Variants in NLN observed in about 807,000 individuals in gnomAD.
The protein encoded by NLN is neurolysin, mitochondrial.
Under a neutral mutation model 79.9 loss-of-function variants are expected in NLN, and 64 were observed. That is an observed-to-expected ratio of 0.80 (90% CI 0.65 to 0.99). The LOEUF (loss-of-function observed/expected upper bound fraction) is 0.99, where lower values mean the gene tolerates loss of function less well. NLN is among the 50% of genes least tolerant of loss of function. The pLI is 0.00. For synonymous variants in NLN, 267 were observed against 296.6 expected (o/e 0.90, Z 1.02); for missense variants, 835 against 858.7 (o/e 0.97, Z 0.34).
At chr5:65,769,118 T>G (rs571587386) in intron 3 of NLN, among the ~76,000 whole-genome samples, 121 of 152,368 alleles carry the variant, frequency 7.9e-4, no homozygotes, top group African/African-American at 2.7e-3. Flanking sequence ...TTTGCACTTA[T>G]GTGCTGTCAC....
chr5:65,745,951 G>A (rs1431208373), intron 1 of NLN, among the ~76,000 whole-genome samples: 1 of 152,170 alleles, frequency 6.6e-6, no homozygotes, highest in Admixed American at 6.6e-5. Context: ...TTTTGGTTCT[G>A]GGGGCAAGGA....
intron 1 of NLN, among the ~76,000 whole-genome samples, chr5:65,737,540 T>A (rs1196152207): frequency 1.3e-5 from 2 of 152,222 alleles, no homozygotes; most frequent in Admixed American, 1.3e-4. Flanking sequence ...AAAATAAATA[T>A]ATTCATTGAA....
At chr5:65,733,336 T>C (rs1579907800) in intron 1 of NLN, 1 of 1,511,610 alleles carries the variant, frequency 6.6e-7, no homozygotes, top group Non-Finnish European at 9.1e-7. Context: ...CTCAGGCTCC[T>C]CCTGCCTGCC....
intron 12 of NLN, chr5:65,818,638 C>T (rs141611510): frequency 6.6e-6 from 1 of 152,336 alleles, no homozygotes; most frequent in Non-Finnish European, 1.5e-5. Context: ...TCCCCACCCT[C>T]ACAGAAAACA....
rs1331850591 is a variant in NLN, at chr5:65,722,215, G to T, written c.-159G>T. ...CGGGGCGGGGCTGGTAGGCGCCGGCGTGGAGCTGCCGCACGTGGGAGGGCG... is the reference window on the plus strand; with the variant it reads ...CGGGGCGGGGCTGGTAGGCGCCGGCTTGGAGCTGCCGCACGTGGGAGGGCG... On this transcript the variant is annotated 5_prime_UTR_variant, in exon 1 of 13. Transcript: ENST00000380985. The T allele has an allele frequency of 1.3e-5, 5 of 381,232 alleles. No individual in the cohort carries two copies. In the South Asian group the frequency reaches 2.1e-4, roughly 16 times the overall value. The allele number at this position is 381,232 out of a possible 1,614,324, so 23.6% of individuals were successfully genotyped here.
chr5:65,798,968 C>T (rs1167675956), intron 9 of NLN, among the ~76,000 whole-genome samples: 1 of 152,166 alleles, frequency 6.6e-6, no homozygotes, highest in Admixed American at 6.6e-5. Flanking sequence ...GTAGCCTCCA[C>T]CTCTCCAGGC....
chr5:65,740,871 T>TC, intron 1 of NLN: 1 of 81,384 alleles, frequency 1.2e-5, no homozygotes, highest in Non-Finnish European at 2.7e-5. Flanking sequence ...TACGTAATTC[T>TC]TTTTTTTTTT....
At chr5:65,801,071 G>A (rs531946549) in intron 9 of NLN, among the ~76,000 whole-genome samples, 22 of 152,176 alleles carry the variant, frequency 1.4e-4, no homozygotes, top group African/African-American at 5.1e-4. Flanking sequence ...TTGTTTTCTA[G>A]GCTTTTGTTA....
chr5:65,750,033 C>A (rs1168849696), intron 1 of NLN, among the ~76,000 whole-genome samples: 4 of 152,142 alleles, frequency 2.6e-5, no homozygotes, highest in Non-Finnish European at 5.9e-5. Context: ...TCCTTTCTTC[C>A]TTCCAGAGAA....
At chr5:65,781,563 A>T in intron 6 of NLN, 142 bp downstream of exon 6, 2 of 660,178 alleles carry the variant, frequency 3.0e-6, no homozygotes, top group Non-Finnish European at 5.2e-6. Flanking sequence ...GACTTACAAG[A>T]CTTTTAGCTT....
intron 2 of NLN, among the ~76,000 whole-genome samples, chr5:65,761,346 G>A (rs1342241449): frequency 5.3e-5 from 8 of 151,916 alleles, no homozygotes; most frequent in Non-Finnish European, 1.0e-4. Context: ...AGGTTGGAGT[G>A]CAGTCATGTA....
chr5:65,809,390 ACC>A, intron 9 of NLN, 123 bp from the exon 10 acceptor site: 1 of 738,208 alleles, frequency 1.4e-6, no homozygotes, highest in Non-Finnish European at 2.2e-6. Flanking sequence ...GGTTATTCTA[ACC>A]CCTCATTCAG....
chr5:65,739,442 T>C (rs1461143826), intron 1 of NLN, among the ~76,000 whole-genome samples: 1 of 152,226 alleles, frequency 6.6e-6, no homozygotes, highest in Admixed American at 6.5e-5. Flanking sequence ...GTTGATTCTA[T>C]GTCTTGTCTA....
At chr5:65,769,533 A>G (rs1448027361) in intron 3 of NLN, among the ~76,000 whole-genome samples, 1 of 152,228 alleles carries the variant, frequency 6.6e-6, no homozygotes, top group Non-Finnish European at 1.5e-5. Flanking sequence ...CACCTACCAT[A>G]TACCCACAAA....
chr5:65,764,423 A>T (rs1415509490), intron 3 of NLN, among the ~76,000 whole-genome samples: 2 of 152,236 alleles, frequency 1.3e-5, no homozygotes, highest in Non-Finnish European at 2.9e-5. Context: ...GCTACTCAGG[A>T]GGCTGAGGCA....
intron 11 of NLN, among the ~76,000 whole-genome samples, chr5:65,810,970 C>G (rs958957897): frequency 1.1e-4 from 17 of 152,034 alleles, no homozygotes; most frequent in African/African-American, 4.1e-4. Context: ...CACAGTGAGA[C>G]CCTGTCTCAA....
intron 12 of NLN, among the ~76,000 whole-genome samples, chr5:65,817,248 G>C (rs1446495214): frequency 6.6e-6 from 1 of 152,078 alleles, no homozygotes. Context: ...ACATCACATC[G>C]TAACTGTTTA....
At chr5:65,738,972 TA>T (rs1758803798) in intron 1 of NLN, among the ~76,000 whole-genome samples, 103 of 13,874 alleles carry the variant, frequency 7.4e-3, no homozygotes, top group African/African-American at 0.038. Flanking sequence ...TATATATAAA[TA>T]TATATATTAT....
At chr5:65,740,763 T>A (rs1011542450) in intron 1 of NLN, 4 of 151,188 alleles carry the variant, frequency 2.6e-5, no homozygotes, top group African/African-American at 9.7e-5. Flanking sequence ...TTCCATCAGC[T>A]ATGTGTCTGT....
Sources: allele counts gnomAD v4.1 joint callset (sites outside exome capture counted in the v4.1 genomes callset), GRCh38; gene constraint gnomAD v4.1.1; transcripts MANE v1.5; gene names NCBI Gene and HGNC (gene_info 2026-07-23, HGNC 2026-07-21).